PYY: variants seen among roughly 807,000 people sequenced by gnomAD.
PYY encodes peptide tyrosine tyrosine.
A neutral mutation model predicts 10.3 loss-of-function variants in PYY; 12 were observed. That is an observed-to-expected ratio of 1.17 (90% CI 0.75 to 1.89). PYY has a LOEUF of 1.89. Among genes scored for constraint, PYY ranks in the 40% most tolerant of loss-of-function variants. The pLI is 0.00. For synonymous variants in PYY, 66 were observed against 62.0 expected (o/e 1.06, Z -0.30); for missense variants, 141 against 134.0 (o/e 1.05, Z -0.26).
chr17:43,990,438 CAAAA>C (rs59522069), intron 1 of PYY, among the ~76,000 whole-genome samples: 4 of 92,808 alleles, frequency 4.3e-5, no homozygotes, highest in Admixed American at 1.1e-4. Context: ...GACTCCATCT[CAAAA>C]AAAAAAAAAA....
intron 1 of PYY, among the ~76,000 whole-genome samples, chr17:43,988,268 A>C (rs903794810): frequency 2.0e-5 from 3 of 152,226 alleles, no homozygotes; most frequent in Non-Finnish European, 4.4e-5. Flanking sequence ...TGAACTGTGG[A>C]AAACAGGACG....
chr17:43,976,235 G>GTATATGTATACATGTATACATATA lies in PYY; in HGVS notation c.-462-9704_-462-9703insTATATGTATACATGTATACATATA, dbSNP rs1567932177. ...CGTATATGTATACATATATACATAT[G>GTATATGTATACATGTATACATATA]CGTATATATACACATATGTATACAT... is the stretch of plus-strand genomic sequence containing the variant. On this transcript the variant is annotated intron_variant, in intron 1 of 6. Coordinates refer to the PYY transcript ENST00000360085. 3.7e-4 allele frequency among the ~76,000 whole-genome samples: 40 copies of GTATATGTATACATGTATACATATA among 107,006 alleles called. 3 individuals carry two copies. The highest frequency in any genetic ancestry group is 8.5e-3 in the Middle Eastern group (1 of 118). 70.2% of individuals were successfully genotyped at this position (107,006 alleles called of 152,430 possible).
In PYY at chr17:43,963,468, A is replaced by G. The variant is rs141523698; in HGVS notation, c.-218+2820T>C. ...GGTTACAGCGAGCTGAGATCATGCC[A>G]TTGCACTCCAGCCTGGGCAGCAGAG... On this transcript the variant is annotated intron_variant, in intron 2 of 6. Coordinates refer to the PYY transcript ENST00000360085. Among the ~76,000 whole-genome samples the G allele has an allele frequency of 2.8e-4, 40 of 144,078 alleles. 2 individuals carry two copies. In the East Asian group the frequency reaches 8.5e-3, roughly 31 times the overall value. The allele number at this position is 144,078 out of a possible 152,430, so 94.5% of individuals were successfully genotyped here. A position where few individuals can be genotyped will look rare whatever the true frequency, so the allele number is the denominator to read the frequency against.
intron 1 of PYY, among the ~76,000 whole-genome samples, chr17:43,970,416 G>C (rs758051330): frequency 6.6e-6 from 1 of 151,808 alleles, no homozygotes; most frequent in Non-Finnish European, 1.5e-5. Context: ...CTGAGGCATG[G>C]GAATTGCTTG....
intron 1 of PYY, among the ~76,000 whole-genome samples, chr17:43,973,901 C>A (rs570467280): frequency 2.0e-5 from 3 of 152,134 alleles, no homozygotes; most frequent in African/African-American, 7.2e-5. Flanking sequence ...CGTGCCTGGA[C>A]CTCATGCCAA....
In PYY at chr17:43,963,368, C is replaced by T. The variant is rs534538974; in HGVS notation, c.-218+2920G>A. Among the ~76,000 whole-genome samples the T allele has an allele frequency of 2.0e-5, 3 of 151,572 alleles. No individual in the cohort carries two copies. In the East Asian group the frequency reaches 5.8e-4, roughly 29 times the overall value. On this transcript the variant is annotated intron_variant, in intron 2 of 6. Transcript: ENST00000360085. The stretch of plus-strand genomic sequence containing the variant: ...ACTAAAAATACAAAAATTATCCAGG[C>T]GTGGTAGCACACACCTGTAATCCCA...
chr17:43,976,633 G>A (rs538706224), intron 1 of PYY, among the ~76,000 whole-genome samples: 33 of 152,018 alleles, frequency 2.2e-4, no homozygotes, highest in Non-Finnish European at 4.0e-4. Flanking sequence ...TTAGCTGGGC[G>A]TGGTGGCGCA....
intron 1 of PYY, among the ~76,000 whole-genome samples, chr17:43,982,577 T>C (rs1257330287): frequency 6.6e-5 from 10 of 150,844 alleles, no homozygotes. Context: ...GCTAAGGTTG[T>C]GGTAGAAGCA....
chr17:43,989,891 TATATATATAC>T (rs1293012489), intron 1 of PYY, among the ~76,000 whole-genome samples: 2 of 44,128 alleles, frequency 4.5e-5, no homozygotes, highest in African/African-American at 1.8e-4. Context: ...TATATATATA[TATATATATAC>T]ACACAAATCT....
At chr17:43,966,031 C>G (rs1597847150) in intron 2 of PYY, among the ~76,000 whole-genome samples, 1 of 152,074 alleles carries the variant, frequency 6.6e-6, no homozygotes. Context: ...ATTTGCTCCT[C>G]TGCCGAGTTC....
At chr17:43,971,330 G>A (rs1437643894) in intron 1 of PYY, among the ~76,000 whole-genome samples, 2 of 152,128 alleles carry the variant, frequency 1.3e-5, no homozygotes, top group East Asian at 3.8e-4. Flanking sequence ...AGCACTTTGG[G>A]AGGCCAAGGT....
intron 1 of PYY, among the ~76,000 whole-genome samples, chr17:43,981,656 A>G (rs1225033467): frequency 6.6e-6 from 1 of 151,868 alleles, no homozygotes; most frequent in Non-Finnish European, 1.5e-5. Context: ...TGCCCAGCTA[A>G]TTTTTGTATT....
At chr17:43,999,639 G>A (rs548552362) in intron 1 of PYY, among the ~76,000 whole-genome samples, 9 of 151,988 alleles carry the variant, frequency 5.9e-5, no homozygotes, top group South Asian at 4.2e-4. Flanking sequence ...GTGGTGGCGC[G>A]TGCCTGTAAT....
chr17:43,963,691 T>C (rs1000642646), intron 2 of PYY, among the ~76,000 whole-genome samples: 1 of 150,978 alleles, frequency 6.6e-6, no homozygotes, highest in African/African-American at 2.4e-5. Context: ...CCTGACCAGG[T>C]GCAGTGGCTC....
At chr17:43,955,501 C>T (rs1359205489), upstream of PYY, among the ~76,000 whole-genome samples, 1 of 152,182 alleles carries the variant, frequency 6.6e-6, no homozygotes, top group Non-Finnish European at 1.5e-5. Flanking sequence ...CATGGGACTC[C>T]ACATCCCAGG....
At chr17:43,992,929 A>G (rs2048967499) in intron 1 of PYY, among the ~76,000 whole-genome samples, 1 of 152,102 alleles carries the variant, frequency 6.6e-6, no homozygotes, top group South Asian at 2.1e-4. Context: ...TCCGGCCTCC[A>G]GACAGTGAGA....
rs1047301742 is a variant in PYY at position 43,979,698 on chromosome 17, T to G, written c.-462-13166A>C. Among the ~76,000 whole-genome samples the G allele has an allele frequency of 4.7e-5, 7 of 148,982 alleles. No homozygotes were observed. In the East Asian group the frequency reaches 9.8e-4, roughly 21 times the overall value. Reference sequence around the variant, plus strand: ...CTCAAACAACAGAAAAAAAAATTTATATATATAATTGCATATCCTGCGCAA... The same window carrying G: ...CTCAAACAACAGAAAAAAAAATTTAGATATATAATTGCATATCCTGCGCAA... On this transcript the variant is annotated intron_variant, in intron 1 of 6. Transcript: ENST00000360085.
intron 1 of PYY, among the ~76,000 whole-genome samples, chr17:43,975,038 C>T (rs1036030782): frequency 6.6e-6 from 1 of 152,088 alleles, no homozygotes; most frequent in Admixed American, 6.6e-5. Flanking sequence ...ATTCTTCCAG[C>T]CGTTGAGCCA....
chr17:43,992,270 TAATC>T (rs1249947072), intron 1 of PYY, among the ~76,000 whole-genome samples: 6 of 152,026 alleles, frequency 3.9e-5, no homozygotes, highest in Non-Finnish European at 7.4e-5. Flanking sequence ...AATTGGATGA[TAATC>T]AAGTGCTTAA....
Sources: gnomAD v4.1 joint callset for allele counts (sites outside exome capture counted in the v4.1 genomes callset) on GRCh38, gnomAD v4.1.1 for gene constraint, MANE v1.5 for transcripts, NCBI Gene and HGNC (gene_info 2026-07-23, HGNC 2026-07-21) for gene names.